Variants in CLPX observed in about 807,000 individuals in gnomAD.
CLPX encodes caseinolytic mitochondrial matrix peptidase chaperone subunit X, also known as ATP-dependent clpX-like chaperone, mitochondrial.
CLPX carries 34 observed loss-of-function variants against 76.4 expected under a neutral mutation model. That is an observed-to-expected ratio of 0.45 (90% confidence interval 0.34 to 0.59). The LOEUF is 0.59. Among genes scored for constraint, CLPX ranks in the 20% least tolerant of loss-of-function variants. CLPX has a pLI of 0.01. For synonymous variants in CLPX, 248 were observed against 270.9 expected, an observed-to-expected ratio of 0.92 and a Z score of 0.83; for missense variants, 613 against 757.0, an observed-to-expected ratio of 0.81 and a Z score of 2.23.
chr15:65,169,206 G>A (rs1240448417), intron 3 of CLPX, among the ~76,000 whole-genome samples: 3 of 151,812 alleles, frequency 2.0e-5, no homozygotes, highest in Admixed American at 6.6e-5. Flanking sequence ...TGCCCGCCTC[G>A]GCCTCCCAAA....
At position 65,157,013 on chromosome 15, in the gene CLPX, T is replaced by C. The variant is rs1475911889; in HGVS notation, c.1058-81A>G. On this transcript the variant is annotated intron_variant, in intron 8 of 13. Transcript: ENST00000300107. ...CTCAGCTTTAAAATACTTAGGTAGC[T>C]AGAGAACAAAGTTATTTGATCTTTC... The C allele has an allele frequency of 1.1e-5, 9 of 826,258 alleles. No homozygotes were observed. In the Admixed American group the frequency reaches 1.5e-4, roughly 14 times the overall value. 51.2% of individuals were successfully genotyped at this position (826,258 alleles called of 1,614,324 possible).
chr15:65,151,259 C>T (rs563134702), intron 13 of CLPX, among the ~76,000 whole-genome samples: 1 of 148,616 alleles, frequency 6.7e-6, no homozygotes, highest in Non-Finnish European at 1.5e-5. Context: ...GCAAGGGAAT[C>T]GCTTGAACCC....
chr15:65,179,027 T>C lies in CLPX; in HGVS notation c.265A>G (p.Lys89Glu), dbSNP rs767154872. Residue 89 changes from lysine (K) to glutamate (E), a missense_variant, in exon 3 of 14, where the codon AAG becomes GAG. By Grantham distance (56) the Lys-to-Glu change is moderately conservative. Around this residue, in one of 2 missense-constraint regions of CLPX, gnomAD observed 163 missense variants for 118.4 expected, o/e 1.38. Transcript: ENST00000300107. The part of the protein sequence containing the change: ...NKKSASEGSS[K>E]KSGSGNSGKG... Reference sequence around the variant, plus strand: ...CCAGAATTCCCAGAGCCTGATTTCTTACTACTTCCCTCACTTGCTGATTTC... The same window carrying C: ...CCAGAATTCCCAGAGCCTGATTTCTCACTACTTCCCTCACTTGCTGATTTC... 6.2e-7 allele frequency: 1 copy of C among 1,611,056 alleles called. No homozygotes were observed. Among genetic ancestry groups the C allele is most frequent in the South Asian group, 1.1e-5 (1 of 90,730 alleles).
At position 65,166,645 on chromosome 15, in the gene CLPX, G is replaced by T. The variant is rs765484364; in HGVS notation, c.499C>A (p.Pro167Thr). The change falls in exon 4 of 14, where the codon CCT (proline) becomes ACT (threonine). Residue 167 changes from proline (P) to threonine (T), a missense_variant. Pro to Thr is a conservative substitution (Grantham distance 38, BLOSUM62 -1). This residue lies in a region of CLPX where 450 missense variants were observed against 638.6 expected (regional missense o/e 0.70). Transcript: ENST00000300107. Reference protein sequence around the residue: ...VKLAFQQKPPPPPKKIYNYLD... With the variant: ...VKLAFQQKPPTPPKKIYNYLD... Reference sequence around the variant, plus strand: ...AAGACTTATACCTTCTTAGGGGGAGGTGGTGGTTTCTGTTGGAATGCCAAT... The same window carrying T: ...AAGACTTATACCTTCTTAGGGGGAGTTGGTGGTTTCTGTTGGAATGCCAAT... 6 of 1,614,050 alleles carry T rather than the reference G, an allele frequency of 3.7e-6. No individual in the cohort carries two copies. The highest frequency in any genetic ancestry group is 1.7e-4 in the Middle Eastern group (1 of 6,060).
At chr15:65,165,606 C>T (rs985197196) in intron 4 of CLPX, among the ~76,000 whole-genome samples, 15 of 151,520 alleles carry the variant, frequency 9.9e-5, no homozygotes, top group Non-Finnish European at 1.5e-4. Context: ...AGGATGGTCT[C>T]GATCTCCTGA....
intron 6 of CLPX, among the ~76,000 whole-genome samples, chr15:65,160,623 T>TCTCTCTCTCTCTCACACA (rs1219208926): frequency 4.0e-5 from 4 of 100,970 alleles, no homozygotes; most frequent in East Asian, 2.7e-4. Flanking sequence ...TCTCTCTCTC[T>TCTCTCTCTCTCTCACACA]CACACACACA....
At chr15:65,162,205 G>A (rs1475607911) in intron 6 of CLPX, among the ~76,000 whole-genome samples, 1 of 151,908 alleles carries the variant, frequency 6.6e-6, no homozygotes, top group African/African-American at 2.4e-5. Flanking sequence ...ATCTGGGGCT[G>A]GAAACAGTGA....
At chr15:65,177,324 C>T (rs2088103404) in intron 3 of CLPX, among the ~76,000 whole-genome samples, 1 of 152,188 alleles carries the variant, frequency 6.6e-6, no homozygotes, top group Admixed American at 6.6e-5. Flanking sequence ...CCGCCTCGGC[C>T]TCCCAAAGTC....
At chr15:65,171,169 G>A (rs967185975) in intron 3 of CLPX, among the ~76,000 whole-genome samples, 5 of 151,986 alleles carry the variant, frequency 3.3e-5, no homozygotes, top group Admixed American at 6.6e-5. Context: ...ATTCTGGGCC[G>A]GCCAAGGTGG....
intron 2 of CLPX, 23 bp downstream of exon 2, chr15:65,180,021 T>A: frequency 6.3e-7 from 1 of 1,576,338 alleles, no homozygotes. Context: ...TGTGTACAGA[T>A]GCCAATAAGA....
Position 65,150,849 on chromosome 15 carries a change from G to A in CLPX, c.1876C>T (p.Arg626Cys), listed in dbSNP as rs759645120. 20 of 1,612,640 alleles carry A rather than the reference G, an allele frequency of 1.2e-5. No homozygotes were observed. Among genetic ancestry groups the A allele is most frequent in the African/African-American group, 4.0e-5 (3 of 74,838 alleles). ...TAGCTGTTTGCAGCATCTGCTTGGC[G>A]GGGCCATCCTTCTTCTTCAACTCCA... is the stretch of plus-strand genomic sequence containing the variant. ...DSGVEEEGWP[R>C]QADAANS is the part of the protein sequence containing the mutation. Residue 626 changes from arginine to cysteine, a missense_variant, in exon 14 of 14, where the codon CGC becomes TGC. Transcript: ENST00000300107.
At chr15:65,171,936 G>C (rs955743736) in intron 3 of CLPX, among the ~76,000 whole-genome samples, 3 of 152,064 alleles carry the variant, frequency 2.0e-5, no homozygotes, top group African/African-American at 7.2e-5. Flanking sequence ...AGGATTCAAT[G>C]TTATTTATCA....
At position 65,148,853 on chromosome 15, in the gene CLPX, AG is replaced by A. The variant is rs2087684230; in HGVS notation, c.*1969del. On this transcript the variant is annotated 3_prime_UTR_variant, in exon 14 of 14. Transcript: ENST00000300107. Reference sequence around the variant, plus strand: ...TAGAAGGAAAGAAAAAAAGCTTAAAAGGTACCCAAATATTTTAATATTTATG... The same window carrying A: ...TAGAAGGAAAGAAAAAAAGCTTAAAAGTACCCAAATATTTTAATATTTATG... 6.6e-6 allele frequency: 1 copy of A among 152,172 alleles called. No individual in the cohort carries two copies. Among genetic ancestry groups the A allele is most frequent in the Non-Finnish European group, 1.5e-5 (1 of 68,038 alleles). 9.4% of individuals were successfully genotyped at this position (152,172 alleles called of 1,614,324 possible).
intron 9 of CLPX, 29 bp downstream of exon 9, chr15:65,156,815 G>A: frequency 6.9e-7 from 1 of 1,442,472 alleles, no homozygotes; most frequent in Non-Finnish European, 9.7e-7. Flanking sequence ...TCCTTTTAGT[G>A]GGCTTGAACA....
intron 2 of CLPX, 52 bp from the exon 3 acceptor site, chr15:65,179,103 C>A: frequency 9.7e-7 from 1 of 1,028,054 alleles, no homozygotes; most frequent in Non-Finnish European, 1.5e-6. Flanking sequence ...TAGTTTCAGG[C>A]AACCAACTTA....
At position 65,185,315 on chromosome 15, in the gene CLPX, T is replaced by G; in HGVS notation, c.-162A>C. ...CGGCAGCCAGGCCTTCACGCTTCTCTGCCCCACAGCCGTCTATTCACCAGA... is the reference window on the plus strand; with the variant it reads ...CGGCAGCCAGGCCTTCACGCTTCTCGGCCCCACAGCCGTCTATTCACCAGA... On this transcript the variant is annotated 5_prime_UTR_variant, in exon 1 of 14. Transcript: ENST00000300107. The G allele has an allele frequency of 3.3e-6, 2 of 600,540 alleles. No individual in the cohort carries two copies. The highest frequency in any genetic ancestry group is 5.9e-6 in the Non-Finnish European group (2 of 337,750). 37.2% of individuals were successfully genotyped at this position (600,540 alleles called of 1,614,324 possible).
At chr15:65,183,479 A>AAAAG (rs1566988460) in intron 1 of CLPX, among the ~76,000 whole-genome samples, 6 of 150,254 alleles carry the variant, frequency 4.0e-5, no homozygotes, top group East Asian at 1.9e-4. Context: ...AAAAAAAAAA[A>AAAAG]AAAGAAAGAA....
At chr15:65,157,978 G>A in intron 7 of CLPX, 68 bp from the exon 8 acceptor site, 1 of 1,376,028 alleles carries the variant, frequency 7.3e-7, no homozygotes. Flanking sequence ...CAATAAAAAT[G>A]CAAAATAAAT....
At chr15:65,167,919 C>A (rs2087940032) in intron 3 of CLPX, among the ~76,000 whole-genome samples, 1 of 151,426 alleles carries the variant, frequency 6.6e-6, no homozygotes, top group South Asian at 2.1e-4. Flanking sequence ...TATTTCATAT[C>A]TTTCTTATTT....
Sources: gnomAD v4.1 joint callset for allele counts (sites outside exome capture counted in the v4.1 genomes callset) on GRCh38, gnomAD v4.1.1 for gene constraint, gnomAD v4.1.1 regional missense constraint, MANE v1.5 for transcripts, NCBI Gene and HGNC (gene_info 2026-07-23, HGNC 2026-07-21) for gene names.